The following PTPRD variants were observed in gnomAD, a reference collection of about 807,000 sequenced individuals.
PTPRD encodes protein tyrosine phosphatase receptor type D, also known as receptor-type tyrosine-protein phosphatase delta.
In PTPRD, 34 loss-of-function variants were observed where a neutral mutation model predicts 214.5. The ratio of observed to expected loss-of-function variants is 0.16; its 90% CI spans 0.12 to 0.21. The LOEUF (loss-of-function observed/expected upper bound fraction) is 0.21. Ranked by LOEUF, PTPRD falls within the 10% of genes least tolerant of loss-of-function variation. PTPRD has a pLI of 1.00. For missense variants in PTPRD, 2,545 were observed against 2,398.7 expected, an observed-to-expected ratio of 1.06 and a Z score of -1.27; for synonymous variants, 1,128 against 845.7, an observed-to-expected ratio of 1.33 and a Z score of -5.79.
intron 11 of PTPRD, among the ~76,000 whole-genome samples, chr9:8,749,787 G>A (rs1356713641): frequency 6.6e-6 from 1 of 152,116 alleles, no homozygotes; most frequent in African/African-American, 2.4e-5. Flanking sequence ...AGGGACAAGA[G>A]ACTTATAATA....
intron 8 of PTPRD, among the ~76,000 whole-genome samples, chr9:9,496,596 A>T (rs1569568815): frequency 6.6e-6 from 1 of 152,172 alleles, no homozygotes; most frequent in Non-Finnish European, 1.5e-5. Flanking sequence ...CAAAAAAGAG[A>T]ATAACAAGTG....
At chr9:9,238,331 C>A (rs1385684019) in intron 9 of PTPRD, among the ~76,000 whole-genome samples, 2 of 152,214 alleles carry the variant, frequency 1.3e-5, no homozygotes, top group East Asian at 1.9e-4. Context: ...CAGTGGCTGA[C>A]AAGTCACTGA....
intron 7 of PTPRD, among the ~76,000 whole-genome samples, chr9:9,721,639 A>ATC (rs2097949318): frequency 6.6e-6 from 1 of 152,164 alleles, no homozygotes; most frequent in Admixed American, 6.5e-5. Context: ...GTCTTGGTCA[A>ATC]TCTGACTTTA....
At chr9:8,543,506 C>T (rs1271407914) in intron 14 of PTPRD, among the ~76,000 whole-genome samples, 1 of 152,108 alleles carries the variant, frequency 6.6e-6, no homozygotes, top group African/African-American at 2.4e-5. Flanking sequence ...TGTATTTCAG[C>T]CACTGATCCC....
At chr9:8,550,002 T>C (rs746681993) in intron 14 of PTPRD, among the ~76,000 whole-genome samples, 3 of 152,080 alleles carry the variant, frequency 2.0e-5, no homozygotes, top group Non-Finnish European at 4.4e-5. Context: ...AAGACAAACA[T>C]CACTGATTAA....
intron 2 of PTPRD, among the ~76,000 whole-genome samples, chr9:10,553,261 A>G (rs2061744846): frequency 6.6e-6 from 1 of 152,218 alleles, no homozygotes; most frequent in Non-Finnish European, 1.5e-5. Context: ...ATCCTAGCAG[A>G]AAATGAAAAA....
At chr9:8,743,944 A>G (rs890568384) in intron 11 of PTPRD, among the ~76,000 whole-genome samples, 1 of 150,778 alleles carries the variant, frequency 6.6e-6, no homozygotes, top group Non-Finnish European at 1.5e-5. Flanking sequence ...ATCAGCAAGA[A>G]AAAAAAAATC....
chr9:8,321,683 C>A (rs1329314360), intron 44 of PTPRD, among the ~76,000 whole-genome samples: 5 of 151,636 alleles, frequency 3.3e-5, no homozygotes, highest in East Asian at 1.9e-4. Flanking sequence ...ATTAAAGATA[C>A]TCTTTTCCTT....
chr9:8,788,554 C>A (rs2096091289), intron 11 of PTPRD, among the ~76,000 whole-genome samples: 1 of 152,076 alleles, frequency 6.6e-6, no homozygotes, highest in Non-Finnish European at 1.5e-5. Flanking sequence ...GGATTACAGG[C>A]ATGAGCCACT....
intron 3 of PTPRD, among the ~76,000 whole-genome samples, chr9:10,216,196 T>C (rs559629893): frequency 5.3e-5 from 8 of 152,132 alleles, no homozygotes; most frequent in African/African-American, 1.9e-4. Flanking sequence ...ATATTATTTA[T>C]TCTGATTCCT....
At chr9:9,218,421 C>T (rs943680288) in intron 9 of PTPRD, among the ~76,000 whole-genome samples, 1 of 152,094 alleles carries the variant, frequency 6.6e-6, no homozygotes, top group African/African-American at 2.4e-5. Flanking sequence ...GAGTTTAATC[C>T]TGCACCTCTT....
At position 8,316,706 on chromosome 9, in the gene PTPRD, GTGAT is replaced by G. The variant is rs1387437515; in HGVS notation, c.*1164_*1167del. 8.7e-6 allele frequency: 2 copies of G among 230,914 alleles called. No individual in the cohort carries two copies. The highest frequency in any genetic ancestry group is 6.1e-5 in the East Asian group (1 of 16,276). The allele number at this position is 230,914 out of a possible 1,614,324, so 14.3% of individuals were successfully genotyped here. A position where few individuals can be genotyped will look rare whatever the true frequency, so the allele number is the denominator to read the frequency against. On this transcript the variant is annotated 3_prime_UTR_variant, in exon 46 of 46. Coordinates refer to ENST00000381196, the MANE Select transcript of PTPRD (RefSeq NM_002839.4). ...CAAACAAACAAAACAATTTGTGGAT[GTGAT>G]TGATTGGTTAGGTGGGGGTAGATTA...
chr9:9,408,316 TA>T (rs1337547965), intron 8 of PTPRD, among the ~76,000 whole-genome samples: 1 of 151,782 alleles, frequency 6.6e-6, no homozygotes, highest in East Asian at 1.9e-4. Context: ...CTAAAACAAA[TA>T]AAATACCATT....
chr9:9,873,111 T>G (rs1363060070), intron 5 of PTPRD, among the ~76,000 whole-genome samples: 1 of 152,156 alleles, frequency 6.6e-6, no homozygotes, highest in African/African-American at 2.4e-5. Context: ...AGTCAGCACA[T>G]TTCACTGAAT....
intron 4 of PTPRD, among the ~76,000 whole-genome samples, chr9:10,008,519 C>A (rs947904675): frequency 6.6e-6 from 1 of 151,994 alleles, no homozygotes; most frequent in South Asian, 2.1e-4. Context: ...ATGTAACATG[C>A]ATGTTTGCTT....
At chr9:9,185,110 G>A (rs935318453) in intron 9 of PTPRD, among the ~76,000 whole-genome samples, 3 of 152,014 alleles carry the variant, frequency 2.0e-5, no homozygotes, top group East Asian at 1.9e-4. Context: ...TGCTGTAGTC[G>A]TGGTGATTTG....
intron 7 of PTPRD, among the ~76,000 whole-genome samples, chr9:9,657,609 AAAAT>A (rs964558568): frequency 2.6e-5 from 4 of 152,230 alleles, no homozygotes; most frequent in African/African-American, 9.6e-5. Context: ...ATAATAGTGA[AAAAT>A]AAATAAGTAA....
Position 9,963,135 on chromosome 9 carries a change from T to C in PTPRD, c.-471-24525A>G, listed in dbSNP as rs527344239. On this transcript the variant is annotated intron_variant, in intron 4 of 45. Transcript: ENST00000381196. ...AGTAGAAAAGTAAATCAGGTGGATT[T>C]AATGTCTTCTTCCATTTTAAAAAAT... Among the ~76,000 whole-genome samples, 98 of 152,248 alleles carry C rather than the reference T, an allele frequency of 6.4e-4. 1 individual carries two copies. Among genetic ancestry groups the C allele is most frequent in the African/African-American group, 2.2e-3 (93 of 41,566 alleles).
At chr9:8,530,243 G>C (rs541914978) in intron 14 of PTPRD, among the ~76,000 whole-genome samples, 13 of 152,126 alleles carry the variant, frequency 8.5e-5, no homozygotes, top group African/African-American at 3.1e-4. Context: ...GGTAAACTCA[G>C]TCTCCTAAAC....
Sources: allele counts gnomAD v4.1 joint callset (sites outside exome capture counted in the v4.1 genomes callset), GRCh38; gene constraint gnomAD v4.1.1; transcripts MANE v1.5; gene names NCBI Gene and HGNC (gene_info 2026-07-23, HGNC 2026-07-21).